PGBD2: variants seen among roughly 807,000 people sequenced by gnomAD.
The protein encoded by PGBD2 is piggyBac transposable element-derived protein 2.
Under a neutral mutation model 8.1 loss-of-function variants are expected in PGBD2, and 6 were observed. The ratio of observed to expected loss-of-function variants is 0.74; its 90% CI spans 0.40 to 1.46. The LOEUF (loss-of-function observed/expected upper bound fraction) is 1.46, where lower values mean the gene tolerates loss of function less well. Among genes scored for constraint, PGBD2 ranks in the 40% most tolerant of loss-of-function variants. The pLI, the probability that PGBD2 is intolerant of heterozygous loss-of-function variation, is 0.02. For synonymous variants in PGBD2, 318 were observed against 272.2 expected (o/e 1.17, Z -1.66); for missense variants, 802 against 739.0 (o/e 1.09, Z -0.99).
rs1372148248 is a variant in PGBD2, at chr1:248,918,905, AC to A, written c.*543del. ...CTTAATGAAAATATTTTCCTAATAC[AC>A]ATATATCAATGTGAGATTCATTTTT... On this transcript the variant is annotated 3_prime_UTR_variant, in exon 3 of 3. Coordinates refer to ENST00000329291, the MANE Select transcript of PGBD2 (RefSeq NM_170725.3). 1 of 167,012 alleles carries A rather than the reference AC, an allele frequency of 6.0e-6. No homozygotes were observed. Among genetic ancestry groups the A allele is most frequent in the African/African-American group, 2.4e-5 (1 of 41,428 alleles). 10.3% of individuals were successfully genotyped at this position (167,012 alleles called of 1,614,324 possible).
chr1:248,901,184 T>C, the PGBD2 span, among the ~76,000 whole-genome samples: 1 of 152,162 alleles, frequency 6.6e-6, no homozygotes, highest in Admixed American at 6.5e-5. Flanking sequence ...ATTTATAGAT[T>C]CAATGCTATT....
the PGBD2 span, among the ~76,000 whole-genome samples, chr1:248,889,481 C>G: frequency 1.3e-5 from 2 of 152,096 alleles, no homozygotes; most frequent in Non-Finnish European, 2.9e-5. Flanking sequence ...TTAATTCTTA[C>G]GACAAATTAT....
Position 248,917,058 on chromosome 1 carries a change from TAATG to T in PGBD2, c.477_480del (p.Asn159LysfsTer13), listed in dbSNP as rs1478494946. Reference sequence around the variant, plus strand: ...ATGAAGGAACAATTAATTTCATTGTTAATGAAACCAATCGTTATGCTTGGCAGAA... The same window carrying T: ...ATGAAGGAACAATTAATTTCATTGTTAAACCAATCGTTATGCTTGGCAGAA... On this transcript the variant is annotated frameshift_variant, in exon 3 of 3. Transcript: ENST00000329291. LOFTEE classifies it low-confidence loss of function (END_TRUNC). The T allele has an allele frequency of 6.2e-7, 1 of 1,613,756 alleles. No homozygotes were observed. Among genetic ancestry groups the T allele is most frequent in the African/African-American group, 1.3e-5 (1 of 74,862 alleles).
At chr1:248,908,986 T>G (rs1246637015) in intron 1 of PGBD2, among the ~76,000 whole-genome samples, 1 of 152,182 alleles carries the variant, frequency 6.6e-6, no homozygotes, top group Admixed American at 6.5e-5. Context: ...ACACCTCCTT[T>G]CCTTCTTAGC....
rs938239723 is a variant in PGBD2 at position 248,918,608 on chromosome 1, G to C, written c.*245G>C. 8 of 204,894 alleles carry C rather than the reference G, an allele frequency of 3.9e-5. No individual in the cohort carries two copies. The highest frequency in any genetic ancestry group is 8.4e-5 in the Non-Finnish European group (8 of 95,088). 12.7% of individuals were successfully genotyped at this position (204,894 alleles called of 1,614,324 possible). A position where few individuals can be genotyped will look rare whatever the true frequency, so the allele number is the denominator to read the frequency against. Reference sequence around the variant, plus strand: ...TTGAACTTATTTATTTAAAGTTATGGATCACTTTTTATTCAAATAAAAGTT... The same window carrying C: ...TTGAACTTATTTATTTAAAGTTATGCATCACTTTTTATTCAAATAAAAGTT... On this transcript the variant is annotated 3_prime_UTR_variant, in exon 3 of 3. Transcript: ENST00000329291.
At chr1:248,907,429 T>C (rs1293834572) in intron 1 of PGBD2, among the ~76,000 whole-genome samples, 8 of 152,222 alleles carry the variant, frequency 5.3e-5, no homozygotes. Flanking sequence ...CCTTCATCTA[T>C]CTCAACTGCA....
chr1:248,879,128 T>C, the PGBD2 span, among the ~76,000 whole-genome samples: 1 of 152,250 alleles, frequency 6.6e-6, no homozygotes, highest in Admixed American at 6.5e-5. Flanking sequence ...TATGTAATTA[T>C]AAGAATGTTT....
downstream of PGBD2, chr1:248,919,927 T>G (rs1210715308): frequency 2.0e-5 from 3 of 153,076 alleles, no homozygotes; most frequent in African/African-American, 4.8e-5. Flanking sequence ...CAGGCTGGAA[T>G]GCAGTGGTGC....
At chr1:248,920,227 C>T (rs1662257204), downstream of PGBD2, among the ~76,000 whole-genome samples, 1 of 152,018 alleles carries the variant, frequency 6.6e-6, no homozygotes. Context: ...TATACACGTG[C>T]CATGGTGGCT....
the PGBD2 span, among the ~76,000 whole-genome samples, chr1:248,900,533 A>G: frequency 6.6e-6 from 1 of 152,226 alleles, no homozygotes; most frequent in Non-Finnish European, 1.5e-5. Flanking sequence ...ATCTTTGATA[A>G]AATCCAACAT....
At chr1:248,914,031 GAATGGGAAA>G (rs1662005727) in intron 2 of PGBD2, 152 bp downstream of exon 2, 1 of 764,058 alleles carries the variant, frequency 1.3e-6, no homozygotes, top group South Asian at 1.5e-5. Context: ...GATGGGAGAA[GAATGGGAAA>G]AATGGGAAAA....
At chr1:248,895,810 C>A in the PGBD2 span, among the ~76,000 whole-genome samples, 1 of 152,040 alleles carries the variant, frequency 6.6e-6, no homozygotes, top group African/African-American at 2.4e-5. Context: ...GCCTCAGCCT[C>A]CCAAGCAGCT....
At chr1:248,877,391 G>A in the PGBD2 span, among the ~76,000 whole-genome samples, 1 of 152,190 alleles carries the variant, frequency 6.6e-6, no homozygotes, top group Non-Finnish European at 1.5e-5. Context: ...TGACCTCTGA[G>A]GCTCAAGTGA....
At chr1:248,884,768 C>T in the PGBD2 span, among the ~76,000 whole-genome samples, 4 of 152,154 alleles carry the variant, frequency 2.6e-5, no homozygotes, top group South Asian at 2.1e-4. Context: ...ATGAGTAAAG[C>T]TCTGTCTAAA....
the PGBD2 span, among the ~76,000 whole-genome samples, chr1:248,887,116 T>TA: frequency 0.035 from 5,374 of 152,224 alleles, 316 homozygotes; most frequent in African/African-American, 0.12. Context: ...ACAAAAATTA[T>TA]AAAAAAATAT....
the PGBD2 span, among the ~76,000 whole-genome samples, chr1:248,892,886 C>T: frequency 1.3e-5 from 2 of 152,186 alleles, no homozygotes; most frequent in African/African-American, 4.8e-5. Context: ...CTGAGAGAAA[C>T]TCTGGACACC....
chr1:248,881,412 A>G, the PGBD2 span, among the ~76,000 whole-genome samples: 1 of 152,218 alleles, frequency 6.6e-6, no homozygotes, highest in African/African-American at 2.4e-5. Flanking sequence ...GACAAAATGG[A>G]ATGAACTATT....
intron 1 of PGBD2, 176 bp downstream of exon 1, chr1:248,906,518 G>A (rs1362782965): frequency 6.6e-6 from 1 of 151,582 alleles, no homozygotes; most frequent in Non-Finnish European, 1.5e-5. Flanking sequence ...GGCCGCAAGG[G>A]GGCGCTCCTT....
chr1:248,880,164 A>T, the PGBD2 span, among the ~76,000 whole-genome samples: 1 of 152,138 alleles, frequency 6.6e-6, no homozygotes, highest in African/African-American at 2.4e-5. Context: ...CATTCTGGCA[A>T]GTCTATTTTT....
Sources: gnomAD v4.1 joint callset for allele counts (sites outside exome capture counted in the v4.1 genomes callset) on GRCh38, gnomAD v4.1.1 for gene constraint, MANE v1.5 for transcripts, NCBI Gene and HGNC (gene_info 2026-07-23, HGNC 2026-07-21) for gene names.